The following PSTPIP1 variants were observed in gnomAD, a reference collection of about 807,000 sequenced individuals.
PSTPIP1 encodes proline-serine-threonine phosphatase-interacting protein 1.
PSTPIP1 carries 66 observed loss-of-function variants against 69.6 expected under a neutral mutation model. The ratio of observed to expected loss-of-function variants is 0.95; its 90% CI spans 0.78 to 1.16. PSTPIP1 has a LOEUF of 1.16. Ranked by LOEUF, PSTPIP1 falls within the 50% of genes most tolerant of loss-of-function variation. PSTPIP1 has a pLI of 0.00. For synonymous variants in PSTPIP1, 266 were observed against 222.7 expected, an observed-to-expected ratio of 1.19 and a Z score of -1.73; for missense variants, 603 against 557.4, an observed-to-expected ratio of 1.08 and a Z score of -0.82.
intron 1 of PSTPIP1, among the ~76,000 whole-genome samples, chr15:77,001,260 G>A (rs541460280): frequency 1.5e-4 from 23 of 152,364 alleles, no homozygotes; most frequent in Non-Finnish European, 2.8e-4. Flanking sequence ...ATTTTCCAGG[G>A]AAGGAGGCAT....
chr15:77,014,734 T>A (rs887176889), intron 1 of PSTPIP1, among the ~76,000 whole-genome samples: 6 of 152,188 alleles, frequency 3.9e-5, no homozygotes, highest in Non-Finnish European at 8.8e-5. Context: ...CTCACAGGCC[T>A]GGGCCGTGGC....
rs148008550 is a variant in PSTPIP1 at position 77,002,948 on chromosome 15, C to T, written c.36+7339C>T. On this transcript the variant is annotated intron_variant, in intron 1 of 14. Coordinates refer to ENST00000558012, the MANE Select transcript of PSTPIP1 (RefSeq NM_003978.5). ...ATTTGAGACATGTCAGGAGGACAAA[C>T]GGCACTCAAGGTGGGAGGTACGGCA... Among the ~76,000 whole-genome samples the T allele has an allele frequency of 2.9e-3, 439 of 152,184 alleles. 1 individual carries two copies. The highest frequency in any genetic ancestry group is 3.8e-3 in the Non-Finnish European group (256 of 68,004).
At chr15:77,031,037 C>A in intron 9 of PSTPIP1, 143 bp from the exon 10 acceptor site, 1 of 773,826 alleles carries the variant, frequency 1.3e-6, no homozygotes. Flanking sequence ...GGGATGGGGA[C>A]CCCAGGGCAC....
chr15:77,021,303 C>A (rs2076156275), intron 3 of PSTPIP1, among the ~76,000 whole-genome samples: 1 of 152,176 alleles, frequency 6.6e-6, no homozygotes, highest in Non-Finnish European at 1.5e-5. Context: ...GTTAACTCAG[C>A]AAACATCCGT....
chr15:77,017,741 C>T (rs2076080268), intron 1 of PSTPIP1, among the ~76,000 whole-genome samples: 2 of 152,246 alleles, frequency 1.3e-5, no homozygotes, highest in Admixed American at 1.3e-4. Context: ...CCCTCCTACA[C>T]CTCGGTTTCC....
intron 1 of PSTPIP1, among the ~76,000 whole-genome samples, chr15:77,006,452 A>T (rs1444409179): frequency 6.6e-6 from 1 of 152,162 alleles, no homozygotes; most frequent in Non-Finnish European, 1.5e-5. Context: ...TTTCATTTTG[A>T]TGAATTCAAT....
At chr15:77,004,869 A>G (rs1568485712) in intron 1 of PSTPIP1, among the ~76,000 whole-genome samples, 1 of 151,732 alleles carries the variant, frequency 6.6e-6, no homozygotes, top group Non-Finnish European at 1.5e-5. Context: ...AAAACAAACA[A>G]ACAAACAAAC....
At chr15:77,024,678 G>A (rs1399682781) in intron 3 of PSTPIP1, among the ~76,000 whole-genome samples, 2 of 152,126 alleles carry the variant, frequency 1.3e-5, no homozygotes, top group Middle Eastern at 3.4e-3. Flanking sequence ...GTTCATTCTG[G>A]CAGCCCCCGC....
At chr15:77,012,152 T>A (rs151240315) in intron 1 of PSTPIP1, among the ~76,000 whole-genome samples, 2 of 55,828 alleles carry the variant, frequency 3.6e-5, no homozygotes, top group East Asian at 4.3e-4. Flanking sequence ...CATCCATCCA[T>A]CCATCCACCC....
At chr15:77,015,707 G>A in intron 1 of PSTPIP1, 2 of 351,448 alleles carry the variant, frequency 5.7e-6, no homozygotes, top group South Asian at 4.2e-5. Flanking sequence ...TCAGACCCAT[G>A]CCCTCGAGGA....
At chr15:76,999,106 C>T (rs1002132104) in intron 1 of PSTPIP1, among the ~76,000 whole-genome samples, 3 of 152,126 alleles carry the variant, frequency 2.0e-5, no homozygotes, top group Non-Finnish European at 4.4e-5. Flanking sequence ...CCCAGTTTGT[C>T]GTGGCTCCAC....
intron 9 of PSTPIP1, among the ~76,000 whole-genome samples, 200 bp downstream of exon 9, chr15:77,030,781 C>T (rs935968633): frequency 6.6e-6 from 1 of 152,262 alleles, no homozygotes. Context: ...TCCTGGGCCC[C>T]TTCGTTGCAG....
In PSTPIP1 at chr15:77,031,196, A is replaced by C; in HGVS notation, c.659A>C (p.Glu220Ala). The change falls in exon 10 of 15, where the codon GAG (glutamate) becomes GCG (alanine). Residue 220 changes from glutamate (E) to alanine (A), a missense_variant. Transcript: ENST00000558012. ...TGCCCCCAGGCCTTTCAGCTGCAAG[A>C]GTTTGACCGGCTGACCATTCTCCGC... ...RTTCEAFQLQEFDRLTILRNA... is the reference protein window; with the variant it reads ...RTTCEAFQLQAFDRLTILRNA... 6.2e-7 allele frequency: 1 copy of C among 1,612,764 alleles called. No homozygotes were observed. Among genetic ancestry groups the C allele is most frequent in the Non-Finnish European group, 8.5e-7 (1 of 1,179,566 alleles).
At chr15:77,034,566 G>A (rs2076508483) in intron 12 of PSTPIP1, among the ~76,000 whole-genome samples, 1 of 150,924 alleles carries the variant, frequency 6.6e-6, no homozygotes, top group Non-Finnish European at 1.5e-5. Context: ...TTTCAGTCCT[G>A]TCCCCCACAC....
Position 77,029,671 on chromosome 15 carries a change from G to A in PSTPIP1, c.562+97G>A, listed in dbSNP as rs2076369283. Reference sequence around the variant, plus strand: ...CCCTGGGGACACACACACTCCCCCTGGCTGCACAATCATGGGCGCGGCGCT... The same window carrying A: ...CCCTGGGGACACACACACTCCCCCTAGCTGCACAATCATGGGCGCGGCGCT... On this transcript the variant is annotated intron_variant, in intron 8 of 14. Transcript: ENST00000558012. 4 of 1,359,262 alleles carry A rather than the reference G, an allele frequency of 2.9e-6. No homozygotes were observed. In the East Asian group the frequency reaches 7.6e-5, roughly 26 times the overall value. 84.2% of individuals were successfully genotyped at this position (1,359,262 alleles called of 1,614,324 possible).
intron 1 of PSTPIP1, among the ~76,000 whole-genome samples, chr15:77,007,541 C>T (rs940519615): frequency 2.0e-5 from 3 of 151,136 alleles, no homozygotes; most frequent in Non-Finnish European, 2.9e-5. Flanking sequence ...CCCAGGAGGT[C>T]GAGGTTGCAG....
chr15:77,014,018 G>A (rs1167471542), intron 1 of PSTPIP1, among the ~76,000 whole-genome samples: 1 of 152,172 alleles, frequency 6.6e-6, no homozygotes, highest in Non-Finnish European at 1.5e-5. Flanking sequence ...GCAGGCAGGC[G>A]GGGAGGGCTC....
At chr15:77,019,861 G>A (rs1233758880) in intron 3 of PSTPIP1, among the ~76,000 whole-genome samples, 1 of 152,218 alleles carries the variant, frequency 6.6e-6, no homozygotes, top group African/African-American at 2.4e-5. Context: ...TCTCAGCCAG[G>A]GGAGGAGCAG....
chr15:77,036,329 G>A (rs1456655815), intron 14 of PSTPIP1, among the ~76,000 whole-genome samples: 3 of 152,210 alleles, frequency 2.0e-5, no homozygotes, highest in South Asian at 2.1e-4. Flanking sequence ...GCTGCCTGCA[G>A]GTCATAGCTT....
Sources: allele counts gnomAD v4.1 joint callset (sites outside exome capture counted in the v4.1 genomes callset), GRCh38; gene constraint gnomAD v4.1.1; transcripts MANE v1.5; gene names NCBI Gene and HGNC (gene_info 2026-07-23, HGNC 2026-07-21).